PREX1: variants seen among roughly 807,000 people sequenced by gnomAD.
PREX1 encodes the protein phosphatidylinositol 3,4,5-trisphosphate-dependent Rac exchanger 1 protein.
In PREX1, 41 loss-of-function variants were observed where a neutral mutation model predicts 198.3. The observed-to-expected ratio is 0.21, with a 90% confidence interval of 0.16 to 0.27. PREX1 has a LOEUF of 0.27. Among genes scored for constraint, PREX1 ranks in the 10% least tolerant of loss-of-function variants. The pLI, the probability that PREX1 is intolerant of heterozygous loss-of-function variation, is 1.00. For missense variants in PREX1, 1,620 were observed against 2,200.7 expected, an observed-to-expected ratio of 0.74 and a Z score of 5.28; for synonymous variants, 843 against 887.2, an observed-to-expected ratio of 0.95 and a Z score of 0.89.
chr20:48,796,442 G>C (rs2122991665), intron 1 of PREX1, among the ~76,000 whole-genome samples: 1 of 152,172 alleles, frequency 6.6e-6, no homozygotes, highest in Admixed American at 6.5e-5. Flanking sequence ...GTGTACTGTG[G>C]GCCCCACTTG....
chr20:48,778,476 G>GCTA (rs2090273780), intron 1 of PREX1, among the ~76,000 whole-genome samples: 1 of 151,378 alleles, frequency 6.6e-6, no homozygotes, highest in African/African-American at 2.4e-5. Flanking sequence ...TGTAATCCTA[G>GCTA]CTACTCCAGA....
At chr20:48,794,978 A>G (rs780353207) in intron 1 of PREX1, among the ~76,000 whole-genome samples, 20 of 152,194 alleles carry the variant, frequency 1.3e-4, no homozygotes, top group Non-Finnish European at 2.5e-4. Context: ...AAACCCTCAC[A>G]TGTCAACTAT....
chr20:48,819,210 T>C (rs543408445), intron 1 of PREX1, among the ~76,000 whole-genome samples: 13 of 152,308 alleles, frequency 8.5e-5, no homozygotes, highest in African/African-American at 2.2e-4. Flanking sequence ...CTGCTCACCA[T>C]GCATCTGAGG....
In PREX1 at chr20:48,789,939, G is replaced by A. The variant is rs927023826; in HGVS notation, c.219+37703C>T. On this transcript the variant is annotated intron_variant, in intron 1 of 39. Coordinates refer to ENST00000371941, the MANE Select transcript of PREX1 (RefSeq NM_020820.4). ...GGGAGAAAAAGAATGAAGTGAAGAAGGGGAGGAAAGAAGGAGAAAAATGGG... is the reference window on the plus strand; with the variant it reads ...GGGAGAAAAAGAATGAAGTGAAGAAAGGGAGGAAAGAAGGAGAAAAATGGG... Among the ~76,000 whole-genome samples the A allele has an allele frequency of 2.6e-5, 4 of 152,052 alleles. No individual in the cohort carries two copies. In the East Asian group the frequency reaches 7.7e-4, roughly 29 times the overall value.
chr20:48,866,102 C>T, the PREX1 span, among the ~76,000 whole-genome samples: 1 of 152,102 alleles, frequency 6.6e-6, no homozygotes, highest in Non-Finnish European at 1.5e-5. Flanking sequence ...GTGTGTGCCA[C>T]CATACCTGGC....
rs977514283 is a variant in PREX1 at position 48,625,044 on chromosome 20, GT to G, written c.*840del. Reference sequence around the variant, plus strand: ...CATTTTTTAATTTTTCAATAATTTAGTTTTTCTTTTGTGCTCTTTTTTTTTT... The same window carrying G: ...CATTTTTTAATTTTTCAATAATTTAGTTTTCTTTTGTGCTCTTTTTTTTTT... On this transcript the variant is annotated 3_prime_UTR_variant, in exon 40 of 40. Coordinates refer to ENST00000371941, the MANE Select transcript of PREX1 (RefSeq NM_020820.4). The G allele has an allele frequency of 6.6e-4, 100 of 152,588 alleles. No individual in the cohort carries two copies. Among genetic ancestry groups the G allele is most frequent in the African/African-American group, 2.3e-3 (95 of 41,504 alleles). 9.5% of individuals were successfully genotyped at this position (152,588 alleles called of 1,614,324 possible).
intron 10 of PREX1, among the ~76,000 whole-genome samples, chr20:48,686,163 GACATGGCTGAATGCCAGC>G (rs942077051): frequency 1.3e-5 from 2 of 152,040 alleles, no homozygotes; most frequent in African/African-American, 4.8e-5. Flanking sequence ...GGGATTAAAA[GACATGGCTGAATGCCAGC>G]ACATGCAGCA....
chr20:48,843,739 G>T, the PREX1 span, among the ~76,000 whole-genome samples: 2 of 152,276 alleles, frequency 1.3e-5, no homozygotes, highest in East Asian at 1.9e-4. Flanking sequence ...CAATGGTGAG[G>T]CATGGAGTTT....
At chr20:48,718,007 CTGGGCTGA>C (rs1345783922) in intron 5 of PREX1, among the ~76,000 whole-genome samples, 1 of 152,240 alleles carries the variant, frequency 6.6e-6, no homozygotes, top group African/African-American at 2.4e-5. Flanking sequence ...TAACAGTTGG[CTGGGCTGA>C]GCAGTGGCTG....
rs1378309616 is a variant in PREX1, at chr20:48,653,508, C to A, written c.2210-11G>T. On this transcript the variant is annotated splice_polypyrimidine_tract_variant and intron_variant, in intron 19 of 39. Coordinates refer to ENST00000371941, the MANE Select transcript of PREX1 (RefSeq NM_020820.4). ...CCATGGCCTCAGAGCCTAAGGGGAA[C>A]AGGAGCACATGAGGCTGGATGCCAG... The A allele has an allele frequency of 6.2e-7, 1 of 1,602,372 alleles. No individual in the cohort carries two copies. The highest frequency in any genetic ancestry group is 8.5e-7 in the Non-Finnish European group (1 of 1,172,240).
chr20:48,655,774 C>T (rs1169762022), intron 18 of PREX1, among the ~76,000 whole-genome samples: 5 of 152,106 alleles, frequency 3.3e-5, no homozygotes, highest in Admixed American at 6.5e-5. Context: ...CGGTGCTGAC[C>T]CTAGAAAAAC....
chr20:48,834,401 T>A, the PREX1 span, among the ~76,000 whole-genome samples: 3 of 152,182 alleles, frequency 2.0e-5, no homozygotes, highest in African/African-American at 7.2e-5. Flanking sequence ...AAAATAAAGC[T>A]GCCCAGTCCA....
rs535314542 is a variant in PREX1, at chr20:48,775,489, A to C, written c.220-27609T>G. 5.3e-5 allele frequency among the ~76,000 whole-genome samples: 8 copies of C among 152,246 alleles called. No homozygotes were observed. In the East Asian group the frequency reaches 1.6e-3, roughly 30 times the overall value. On this transcript the variant is annotated intron_variant, in intron 1 of 39. Coordinates refer to ENST00000371941, the MANE Select transcript of PREX1 (RefSeq NM_020820.4). Reference sequence around the variant, plus strand: ...AGGGGCCTGCTTGGTGCACAGGGACAACAAGGAGACCACAATGGCTGGAGC... The same window carrying C: ...AGGGGCCTGCTTGGTGCACAGGGACCACAAGGAGACCACAATGGCTGGAGC...
chr20:48,850,907 C>T, the PREX1 span, among the ~76,000 whole-genome samples: 1 of 152,168 alleles, frequency 6.6e-6, no homozygotes, highest in East Asian at 1.9e-4. Flanking sequence ...CAGCCCCCCG[C>T]CCCCTGCCTG....
At chr20:48,679,314 T>G in intron 13 of PREX1, 46 bp downstream of exon 13, 2 of 1,560,204 alleles carry the variant, frequency 1.3e-6, no homozygotes, top group Non-Finnish European at 1.8e-6. Context: ...GCCACACAGC[T>G]GAGAAGAGGT....
At chr20:48,709,968 G>C (rs2089923054) in intron 5 of PREX1, among the ~76,000 whole-genome samples, 1 of 152,166 alleles carries the variant, frequency 6.6e-6, no homozygotes, top group Admixed American at 6.5e-5. Context: ...GGCCCAGCTG[G>C]TCTGCATCAT....
rs539176511 is a variant in PREX1, at chr20:48,721,143, G to A, written c.621+5147C>T. 8.5e-5 allele frequency among the ~76,000 whole-genome samples: 13 copies of A among 152,286 alleles called. No individual in the cohort carries two copies. The South Asian group carries it at 2.7e-3, about 32-fold the overall frequency. ...AAACAGTTGGCAAGAAGACAGGGGT[G>A]GCCTTTCCACATTCATTCAATAAGT... On this transcript the variant is annotated intron_variant, in intron 5 of 39. Coordinates refer to ENST00000371941, the MANE Select transcript of PREX1 (RefSeq NM_020820.4).
intron 3 of PREX1, among the ~76,000 whole-genome samples, chr20:48,743,554 G>A (rs1227480320): frequency 1.3e-5 from 2 of 152,192 alleles, no homozygotes; most frequent in Admixed American, 6.5e-5. Flanking sequence ...GCCCCATTGT[G>A]CTCTTATTTG....
chr20:48,690,451 C>T (rs1158439652), intron 9 of PREX1, among the ~76,000 whole-genome samples: 1 of 152,068 alleles, frequency 6.6e-6, no homozygotes, highest in Non-Finnish European at 1.5e-5. Flanking sequence ...CAAAACAGCC[C>T]GGTGCCTCCA....
Sources: allele counts gnomAD v4.1 joint callset (sites outside exome capture counted in the v4.1 genomes callset), GRCh38; gene constraint gnomAD v4.1.1; transcripts MANE v1.5; gene names NCBI Gene and HGNC (gene_info 2026-07-23, HGNC 2026-07-21).